Variants in HIPK3 observed in about 807,000 individuals in gnomAD.
HIPK3 encodes homeodomain-interacting protein kinase 3.
Under a neutral mutation model 124.2 loss-of-function variants are expected in HIPK3, and 47 were observed. That is an observed-to-expected ratio of 0.38 (90% CI 0.30 to 0.48). The LOEUF is 0.48. Among genes scored for constraint, HIPK3 ranks in the 20% least tolerant of loss-of-function variants. The pLI is 0.98. For missense variants in HIPK3, 1,286 were observed against 1,454.3 expected (o/e 0.88, Z 1.88); for synonymous variants, 482 against 515.2 (o/e 0.94, Z 0.87).
At chr11:33,300,946 A>G (rs1851981703) in intron 2 of HIPK3, among the ~76,000 whole-genome samples, 1 of 152,122 alleles carries the variant, frequency 6.6e-6, no homozygotes. Flanking sequence ...CATGTTGCCA[A>G]GGGTGAGCTG....
intron 14 of HIPK3, among the ~76,000 whole-genome samples, chr11:33,350,951 A>G (rs1336550523): frequency 6.6e-6 from 1 of 152,154 alleles, no homozygotes; most frequent in Non-Finnish European, 1.5e-5. Context: ...TATAAGATAT[A>G]TAAATAAAAA....
rs563005334 is a variant in HIPK3, at chr11:33,290,673, G to A, written c.1097+3162G>A. Reference sequence around the variant, plus strand: ...TTTTTAATACTTGAGAATGTCTGTCGGTTTACTAAATCTTTCAAGGGAATG... The same window carrying A: ...TTTTTAATACTTGAGAATGTCTGTCAGTTTACTAAATCTTTCAAGGGAATG... On this transcript the variant is annotated intron_variant, in intron 2 of 16. Coordinates refer to ENST00000303296, the MANE Select transcript of HIPK3 (RefSeq NM_005734.5). 4.0e-5 allele frequency among the ~76,000 whole-genome samples: 6 copies of A among 149,220 alleles called. No individual in the cohort carries two copies. In the South Asian group the frequency reaches 8.4e-4, roughly 21 times the overall value.
upstream of HIPK3, chr11:33,257,239 G>A: frequency 1.0e-6 from 1 of 984,128 alleles, no homozygotes; most frequent in Non-Finnish European, 1.2e-6. Flanking sequence ...ACCCCGGGGA[G>A]GGGCTTCACG....
intron 3 of HIPK3, among the ~76,000 whole-genome samples, chr11:33,331,864 A>G (rs1179770341): frequency 6.6e-6 from 1 of 152,170 alleles, no homozygotes; most frequent in Non-Finnish European, 1.5e-5. Flanking sequence ...CCTCCATTTT[A>G]TAGATGTAAA....
At chr11:33,332,424 G>A (rs1853012984) in intron 3 of HIPK3, among the ~76,000 whole-genome samples, 1 of 152,130 alleles carries the variant, frequency 6.6e-6, no homozygotes, top group Admixed American at 6.5e-5. Flanking sequence ...ATATTTACTA[G>A]GGACATATCA....
rs375176010 is a variant in HIPK3 at position 33,293,625 on chromosome 11, A to G, written c.1097+6114A>G. Among the ~76,000 whole-genome samples the G allele has an allele frequency of 1.3e-4, 20 of 152,276 alleles. No individual in the cohort carries two copies. The East Asian group carries it at 3.5e-3, about 26-fold the overall frequency. ...TACTTACTACTTTTTATTACCAAAT[A>G]ATAAACCATTGTGTAGATATATACC... On this transcript the variant is annotated intron_variant, in intron 2 of 16. Transcript: ENST00000303296.
At chr11:33,340,240 T>C (rs1324530979) in intron 6 of HIPK3, among the ~76,000 whole-genome samples, 3 of 152,162 alleles carry the variant, frequency 2.0e-5, no homozygotes, top group Admixed American at 6.5e-5. Context: ...TACGCCACCA[T>C]GCCTGGCAAA....
chr11:33,290,194 G>A (rs1050753992), intron 2 of HIPK3, among the ~76,000 whole-genome samples: 4 of 152,134 alleles, frequency 2.6e-5, no homozygotes, highest in African/African-American at 9.7e-5. Flanking sequence ...ATGGGTTTTA[G>A]TAGTAGAGTG....
In HIPK3 at chr11:33,337,776, C is replaced by T. The variant is rs266474; in HGVS notation, c.1341+582C>T. On this transcript the variant is annotated intron_variant, in intron 4 of 16. Transcript: ENST00000303296. ...GCAACCTCCACCTCCCAGGTTCAAG[C>T]GATTCTCCTGCCTTAGCCTCCCAAG... Among the ~76,000 whole-genome samples, 1,308 of 151,888 alleles carry T rather than the reference C, an allele frequency of 8.6e-3. 17 individuals are homozygous for T. Among genetic ancestry groups the T allele is most frequent in the African/African-American group, 0.03 (1,234 of 41,412 alleles).
At chr11:33,335,658 G>T (rs1853121078) in intron 3 of HIPK3, 1 of 151,396 alleles carries the variant, frequency 6.6e-6, no homozygotes. Context: ...TTTTTTTTAG[G>T]ATAGAAGATA....
chr11:33,293,735 A>G (rs1435231454), intron 2 of HIPK3, among the ~76,000 whole-genome samples: 1 of 152,230 alleles, frequency 6.6e-6, no homozygotes, highest in Non-Finnish European at 1.5e-5. Context: ...AATATGGTCC[A>G]AGATTAAATA....
At chr11:33,341,493 T>C in intron 7 of HIPK3, 70 bp from the exon 8 acceptor site, 1 of 1,352,538 alleles carries the variant, frequency 7.4e-7, no homozygotes, top group Non-Finnish European at 9.9e-7. Flanking sequence ...GAAATGTGTT[T>C]GAATTCTATT....
chr11:33,347,340 GATA>G lies in HIPK3; in HGVS notation c.1949_1951del (p.Asn650del), dbSNP rs772902016. 1.9e-5 allele frequency: 30 copies of G among 1,613,472 alleles called. No homozygotes were observed. Among genetic ancestry groups the G allele is most frequent in the Non-Finnish European group, 2.5e-5 (29 of 1,179,536 alleles). On this transcript the variant is annotated inframe_deletion, in exon 9 of 17. Coordinates refer to ENST00000303296, the MANE Select transcript of HIPK3 (RefSeq NM_005734.5). ...ACCCACCAGTTATTCAATAAGGGTA[GATA>G]ATACAGTTCCACTTGTAACTCAGGC...
In HIPK3 at chr11:33,340,976, C is replaced by T. The variant is rs1853315120; in HGVS notation, c.1622C>T (p.Ser541Phe). The change falls in exon 7 of 17, where the codon TCC becomes TTC. Residue 541 changes from serine (S) to phenylalanine (F), a missense_variant. By Grantham distance (155) the Ser-to-Phe change is radical. Around this residue, in one of 3 missense-constraint regions of HIPK3, gnomAD observed 810 missense variants for 864.9 expected, o/e 0.94. Transcript: ENST00000303296. ...LDFPHSNHVK[S>F]CFHIMDICKS... is the part of the protein sequence containing the mutation. The stretch of plus-strand genomic sequence containing the variant: ...CACTTTTTCTTTTACAGTGTAAAGT[C>T]CTGTTTTCATATTATGGATATTTGT... 1.0e-5 allele frequency: 16 copies of T among 1,585,228 alleles called. No individual in the cohort carries two copies. The highest frequency in any genetic ancestry group is 1.4e-5 in the Non-Finnish European group (16 of 1,157,224).
intron 1 of HIPK3, among the ~76,000 whole-genome samples, chr11:33,261,554 T>C (rs1037331599): frequency 3.3e-5 from 5 of 152,348 alleles, no homozygotes; most frequent in African/African-American, 1.2e-4. Context: ...ATCATTCTTT[T>C]TTTATGGCTG....
intron 2 of HIPK3, among the ~76,000 whole-genome samples, chr11:33,303,509 A>C (rs1008443559): frequency 7.2e-5 from 11 of 152,194 alleles, no homozygotes; most frequent in Admixed American, 1.3e-4. Context: ...AAAGGTTATT[A>C]GTTTTTTTTC....
intron 2 of HIPK3, among the ~76,000 whole-genome samples, chr11:33,306,712 A>T (rs1852171004): frequency 6.6e-6 from 1 of 152,234 alleles, no homozygotes; most frequent in Non-Finnish European, 1.5e-5. Flanking sequence ...CATAATGTAT[A>T]TAAAGTATTT....
intron 8 of HIPK3, among the ~76,000 whole-genome samples, chr11:33,343,103 T>C (rs1853384300): frequency 6.6e-6 from 1 of 152,184 alleles, no homozygotes; most frequent in African/African-American, 2.4e-5. Context: ...ACCTGGAATC[T>C]AATTCTGTTT....
Position 33,286,698 on chromosome 11 carries a change from TAGC to T in HIPK3, c.288_290del (p.Ala97del). ...AACACTGCAGGTGCTACAAAGGTCA[TAGC>T]AGCTCAGGCACAGCAAGCTCACGTG... is the stretch of plus-strand genomic sequence containing the variant. On this transcript the variant is annotated inframe_deletion, in exon 2 of 17. Transcript: ENST00000303296. The T allele has an allele frequency of 6.2e-7, 1 of 1,614,134 alleles. No homozygotes were observed. Among genetic ancestry groups the T allele is most frequent in the Non-Finnish European group, 8.5e-7 (1 of 1,180,040 alleles).
Sources: allele counts gnomAD v4.1 joint callset (sites outside exome capture counted in the v4.1 genomes callset), GRCh38; gene constraint gnomAD v4.1.1; regional missense constraint gnomAD v4.1.1; transcripts MANE v1.5; gene names NCBI Gene and HGNC (gene_info 2026-07-23, HGNC 2026-07-21).